P2RX5: variants seen among roughly 807,000 people sequenced by gnomAD.
P2RX5 encodes purinergic receptor P2X 5.
P2RX5 carries 46 observed loss-of-function variants against 54.1 expected under a neutral mutation model. The ratio of observed to expected loss-of-function variants is 0.85; its 90% CI spans 0.67 to 1.09. P2RX5 has a LOEUF of 1.09. Among genes scored for constraint, P2RX5 ranks in the 50% least tolerant of loss-of-function variants. P2RX5 has a pLI of 0.00. For missense variants in P2RX5, 566 were observed against 549.8 expected (o/e 1.03, Z -0.29); for synonymous variants, 226 against 226.4 (o/e 1.00, Z 0.02).
upstream of P2RX5, among the ~76,000 whole-genome samples, chr17:3,698,769 A>G (rs994786123): frequency 5.3e-5 from 8 of 152,070 alleles, no homozygotes; most frequent in Admixed American, 3.3e-4. Flanking sequence ...TTTAGAGACC[A>G]CATGAGGGGC....
In P2RX5 at chr17:3,688,002, G is replaced by A; in HGVS notation, c.981+10C>T. 2.1e-6 allele frequency: 3 copies of A among 1,431,004 alleles called. No homozygotes were observed. Among genetic ancestry groups the A allele is most frequent in the South Asian group, 2.4e-5 (2 of 82,804 alleles). 88.6% of individuals were successfully genotyped at this position (1,431,004 alleles called of 1,614,324 possible). On this transcript the variant is annotated intron_variant, in intron 9 of 11. Transcript: ENST00000225328. Reference sequence around the variant, plus strand: ...CCGCCCAGCCTCAGAACAGGAGAAGGCACACGCACCTTGCCGTTCACCATC... The same window carrying A: ...CCGCCCAGCCTCAGAACAGGAGAAGACACACGCACCTTGCCGTTCACCATC...
intron 1 of P2RX5, among the ~76,000 whole-genome samples, chr17:3,695,285 G>C (rs2050725799): frequency 6.6e-6 from 1 of 152,226 alleles, no homozygotes; most frequent in African/African-American, 2.4e-5. Context: ...GGGGGAAGGG[G>C]ATGGCCGAGC....
upstream of P2RX5, among the ~76,000 whole-genome samples, chr17:3,699,917 G>GGAAAGAAAGAAAGAAA (rs71362545): frequency 2.5e-4 from 19 of 75,504 alleles, no homozygotes; most frequent in Non-Finnish European, 2.1e-4. Context: ...AAGGAAGGAA[G>GGAAAGAAAGAAAGAAA]GAAAGAAAGA....
the P2RX5 span, among the ~76,000 whole-genome samples, chr17:3,719,253 AAAAG>A: frequency 7.3e-5 from 8 of 109,532 alleles, no homozygotes; most frequent in African/African-American, 3.1e-4. Context: ...AAAAAAAAAA[AAAAG>A]AAAAGAAAAG....
the P2RX5 span, among the ~76,000 whole-genome samples, chr17:3,715,221 C>T: frequency 2.0e-5 from 3 of 152,186 alleles, no homozygotes; most frequent in Admixed American, 6.5e-5. Flanking sequence ...ATGATAATTT[C>T]GGCTGTACTG....
upstream of P2RX5, among the ~76,000 whole-genome samples, chr17:3,699,930 GA>G (rs1211156082): frequency 5.8e-5 from 5 of 86,684 alleles, no homozygotes; most frequent in African/African-American, 1.8e-4. Flanking sequence ...AAGAAAGAAA[GA>G]AAGAAAGAAA....
At chr17:3,705,184 A>C in the P2RX5 span, among the ~76,000 whole-genome samples, 2 of 152,262 alleles carry the variant, frequency 1.3e-5, no homozygotes, top group South Asian at 4.1e-4. Flanking sequence ...CTCCACTCCC[A>C]AGTTCCAGGA....
the P2RX5 span, among the ~76,000 whole-genome samples, chr17:3,719,667 G>A: frequency 6.6e-6 from 1 of 152,156 alleles, no homozygotes; most frequent in South Asian, 2.1e-4. Context: ...CACTGATACA[G>A]CACACTAAGA....
intron 10 of P2RX5, 96 bp from the exon 11 acceptor site, chr17:3,679,880 A>AG: frequency 9.4e-7 from 1 of 1,065,032 alleles, no homozygotes; most frequent in Non-Finnish European, 1.4e-6. Flanking sequence ...CTCGCCCTGC[A>AG]GGCCGCCACC....
chr17:3,697,770 T>C (rs150710658), upstream of P2RX5, among the ~76,000 whole-genome samples: 852 of 152,308 alleles, frequency 5.6e-3, 9 homozygotes, highest in Non-Finnish European at 8.3e-3. Context: ...TCAACTCAAC[T>C]GCCATTTCTT....
intron 10 of P2RX5, among the ~76,000 whole-genome samples, chr17:3,680,944 TGCGTCCTCCACCCA>T (rs1433756007): frequency 3.0e-5 from 4 of 132,446 alleles, no homozygotes; most frequent in East Asian, 2.2e-4. Context: ...TCCTCCACCC[TGCGTCCTCCACCCA>T]GCGTCCTCCA....
At chr17:3,685,657 T>TCCCCCCCCCCCG (rs543421315) in intron 9 of P2RX5, 10 of 75,840 alleles carry the variant, frequency 1.3e-4, no homozygotes, top group Non-Finnish European at 2.0e-4. Flanking sequence ...AGCGTCCCCC[T>TCCCCCCCCCCCG]CCCAGCCTGA....
intron 11 of P2RX5, chr17:3,676,945 C>G (rs985752077): frequency 3.0e-6 from 1 of 337,696 alleles, no homozygotes; most frequent in Non-Finnish European, 4.2e-6. Flanking sequence ...ACCTGTAATC[C>G]CAGCTACTTA....
chr17:3,681,750 A>ATG (rs2050288998), intron 10 of P2RX5, 146 bp downstream of exon 10: 1 of 698,430 alleles, frequency 1.4e-6, no homozygotes, highest in African/African-American at 1.7e-5. Context: ...TCTGTAGAGC[A>ATG]TGTACTCAGA....
Position 3,673,815 on chromosome 17 carries a change from T to C in P2RX5, c.*53A>G. ...GGGATTCCCAAAGGCATGGGATCAC[T>C]GGGTGCTAGACGGCTGGGTTTAGGA... On this transcript the variant is annotated 3_prime_UTR_variant, in exon 12 of 12. Coordinates refer to ENST00000225328, the MANE Select transcript of P2RX5 (RefSeq NM_002561.4). The C allele has an allele frequency of 1.9e-6, 3 of 1,612,504 alleles. No homozygotes were observed. The highest frequency in any genetic ancestry group is 3.3e-5 in the Admixed American group (2 of 60,014).
chr17:3,690,438 G>C lies in P2RX5; in HGVS notation c.522C>G (p.Ser174Arg). ...CTGCAGCCACTCACTCCGGCCTGGA[G>C]CTTGTCTCCAACGGGCACCAGGCAA... is the stretch of plus-strand genomic sequence containing the variant. ...EIFAWCPLET[S>R]SRPEEPFLKE... is the part of the protein sequence containing the mutation. The change falls in exon 5 of 12, where the codon AGC becomes AGG. Residue 174 changes from serine (S) to arginine (R), a missense_variant. By Grantham distance (110) the Ser-to-Arg change is moderately radical (BLOSUM62 -1). Coordinates refer to ENST00000225328, the MANE Select transcript of P2RX5 (RefSeq NM_002561.4). 6.2e-7 allele frequency: 1 copy of C among 1,611,188 alleles called. No individual in the cohort carries two copies. Among genetic ancestry groups the C allele is most frequent in the South Asian group, 1.1e-5 (1 of 90,800 alleles).
At chr17:3,677,018 C>G (rs536801568) in intron 11 of P2RX5, 2 of 892,912 alleles carry the variant, frequency 2.2e-6, no homozygotes, top group African/African-American at 3.6e-5. Flanking sequence ...GCCAAGATCA[C>G]GCCACTGCAC....
chr17:3,694,938 A>G (rs1395162069), intron 1 of P2RX5, among the ~76,000 whole-genome samples: 1 of 152,146 alleles, frequency 6.6e-6, no homozygotes, highest in Non-Finnish European at 1.5e-5. Flanking sequence ...GAGGACGGGC[A>G]GGCCTGGCTG....
chr17:3,673,332 C>G lies in P2RX5; in HGVS notation c.*536G>C. On this transcript the variant is annotated 3_prime_UTR_variant, in exon 12 of 12. Coordinates refer to ENST00000225328, the MANE Select transcript of P2RX5 (RefSeq NM_002561.4). ...GTCTGCCATCTCCCCCACTTTAATT[C>G]TGTGTACTGGCCTAAGGGCAAACAG... is the stretch of plus-strand genomic sequence containing the variant. 1.0e-6 allele frequency: 1 copy of G among 997,208 alleles called. No homozygotes were observed. Among genetic ancestry groups the G allele is most frequent in the Non-Finnish European group, 1.2e-6 (1 of 835,830 alleles). The allele number at this position is 997,208 out of a possible 1,614,324, so 61.8% of individuals were successfully genotyped here. A position where few individuals can be genotyped will look rare whatever the true frequency, so the allele number is the denominator to read the frequency against.
Sources: gnomAD v4.1 joint callset for allele counts (sites outside exome capture counted in the v4.1 genomes callset) on GRCh38, gnomAD v4.1.1 for gene constraint, MANE v1.5 for transcripts, NCBI Gene and HGNC (gene_info 2026-07-23, HGNC 2026-07-21) for gene names.